PAPPA2: variants seen among roughly 807,000 people sequenced by gnomAD.
PAPPA2 encodes pappalysin-2.
Under a neutral mutation model 176.4 loss-of-function variants are expected in PAPPA2, and 86 were observed. The ratio of observed to expected loss-of-function variants is 0.49; its 90% CI spans 0.41 to 0.58. The LOEUF (loss-of-function observed/expected upper bound fraction) is 0.58, where lower values mean the gene tolerates loss of function less well. PAPPA2 is among the 20% of genes least tolerant of loss of function. The probability of loss-of-function intolerance (pLI) is 0.00; values close to 1 mark genes in which losing one functional copy is unlikely to be tolerated. For missense variants in PAPPA2, 2,073 were observed against 2,256.9 expected (o/e 0.92, Z 1.65); for synonymous variants, 809 against 852.2 (o/e 0.95, Z 0.88).
chr1:176,712,029 ATGTGTGTG>A (rs66731142), intron 12 of PAPPA2, 48 bp downstream of exon 12: 76 of 1,426,002 alleles, frequency 5.3e-5, no homozygotes, highest in African/African-American at 2.5e-4. Flanking sequence ...GTGTAAGCAT[ATGTGTGTG>A]TGTGTGTGTG....
intron 2 of PAPPA2, among the ~76,000 whole-genome samples, chr1:176,568,317 G>A (rs1652103266): frequency 6.6e-6 from 1 of 152,190 alleles, no homozygotes; most frequent in South Asian, 2.1e-4. Context: ...CCTTTGACAA[G>A]TGGTTCTGTA....
chr1:176,747,687 T>TA (rs1414080668), intron 14 of PAPPA2, among the ~76,000 whole-genome samples: 10 of 152,200 alleles, frequency 6.6e-5, no homozygotes, highest in Non-Finnish European at 1.3e-4. Flanking sequence ...TATAGCATCT[T>TA]ACAACAATGC....
rs1236389987 is a variant in PAPPA2 at position 176,670,958 on chromosome 1, C to A, written c.1992-12C>A. 1 of 1,612,648 alleles carries A rather than the reference C, an allele frequency of 6.2e-7. No homozygotes were observed. Among genetic ancestry groups the A allele is most frequent in the Middle Eastern group, 1.7e-4 (1 of 6,034 alleles). Reference sequence around the variant, plus strand: ...TTTGCTGTGACATTTTTTCATCTTGCATGCTCTCTAGGGCATACATGAGTG... The same window carrying A: ...TTTGCTGTGACATTTTTTCATCTTGAATGCTCTCTAGGGCATACATGAGTG... On this transcript the variant is annotated splice_polypyrimidine_tract_variant and intron_variant, in intron 3 of 22. Coordinates refer to ENST00000367662, the MANE Select transcript of PAPPA2 (RefSeq NM_020318.3).
At chr1:176,834,912 A>C (rs1308617282) in intron 21 of PAPPA2, among the ~76,000 whole-genome samples, 1 of 152,176 alleles carries the variant, frequency 6.6e-6, no homozygotes, top group Non-Finnish European at 1.5e-5. Flanking sequence ...CGGAGGTTGC[A>C]GTGAGCTGAG....
intron 14 of PAPPA2, among the ~76,000 whole-genome samples, chr1:176,760,205 G>T (rs1378787186): frequency 5.3e-5 from 8 of 152,126 alleles, no homozygotes; most frequent in South Asian, 2.1e-4. Flanking sequence ...AGTAACACAT[G>T]ATTTAATTGT....
At chr1:176,789,448 T>C (rs1665081448) in intron 17 of PAPPA2, among the ~76,000 whole-genome samples, 1 of 152,112 alleles carries the variant, frequency 6.6e-6, no homozygotes, top group Admixed American at 6.5e-5. Flanking sequence ...ATATACCTAA[T>C]GCTAAATGAC....
At chr1:176,503,735 T>C (rs1648094037) in intron 1 of PAPPA2, among the ~76,000 whole-genome samples, 1 of 152,172 alleles carries the variant, frequency 6.6e-6, no homozygotes, top group Admixed American at 6.6e-5. Context: ...TTGTAAGGAT[T>C]AGGCAGAGGA....
chr1:176,732,720 T>C (rs1174047160), intron 12 of PAPPA2, among the ~76,000 whole-genome samples: 1 of 152,192 alleles, frequency 6.6e-6, no homozygotes, highest in Non-Finnish European at 1.5e-5. Context: ...GTGATCTGTA[T>C]GCATATTAAG....
intron 6 of PAPPA2, 147 bp from the exon 7 acceptor site, chr1:176,695,591 T>G: frequency 1.1e-6 from 1 of 874,608 alleles, no homozygotes; most frequent in Non-Finnish European, 1.7e-6. Context: ...AAAAAACGAT[T>G]GAGATACAGT....
chr1:176,547,783 G>A (rs1204298427), intron 1 of PAPPA2, among the ~76,000 whole-genome samples: 1 of 152,128 alleles, frequency 6.6e-6, no homozygotes, highest in Non-Finnish European at 1.5e-5. Context: ...AATGCCTGGA[G>A]ACATTGATAA....
At chr1:176,657,234 AG>A (rs1162600404) in intron 3 of PAPPA2, among the ~76,000 whole-genome samples, 20 of 151,986 alleles carry the variant, frequency 1.3e-4, no homozygotes, top group African/African-American at 4.8e-4. Flanking sequence ...GATGAAAAGA[AG>A]TTATCCTGGA....
chr1:176,587,906 A>T (rs1264141626), intron 2 of PAPPA2, among the ~76,000 whole-genome samples: 1 of 152,230 alleles, frequency 6.6e-6, no homozygotes, highest in Admixed American at 6.5e-5. Flanking sequence ...ATAAACTTTA[A>T]AAAAAGAAAT....
chr1:176,550,064 C>A lies in PAPPA2; in HGVS notation c.-916-5343C>A, dbSNP rs1337495931. Among the ~76,000 whole-genome samples, 5 of 152,224 alleles carry A rather than the reference C, an allele frequency of 3.3e-5. No individual in the cohort carries two copies. The South Asian group carries it at 1.0e-3, about 32-fold the overall frequency. On this transcript the variant is annotated intron_variant, in intron 1 of 22. Coordinates refer to ENST00000367662, the MANE Select transcript of PAPPA2 (RefSeq NM_020318.3). ...CCATTCTCTGTTCTCAAGGCTTTGC[C>A]TTTTTCAGAATGTCATAGAAATGGA...
chr1:176,815,463 T>C (rs1666336155), intron 21 of PAPPA2, among the ~76,000 whole-genome samples: 1 of 151,668 alleles, frequency 6.6e-6, no homozygotes, highest in South Asian at 2.1e-4. Flanking sequence ...TTCATTTTTG[T>C]TGTTGTTTTT....
At chr1:176,725,588 A>G (rs192088222) in intron 12 of PAPPA2, among the ~76,000 whole-genome samples, 12 of 152,316 alleles carry the variant, frequency 7.9e-5, no homozygotes, top group African/African-American at 2.9e-4. Context: ...AAAGTGAAAA[A>G]TAGACTTGAA....
chr1:176,464,923 T>C (rs1341510449), intron 1 of PAPPA2, among the ~76,000 whole-genome samples: 2 of 152,232 alleles, frequency 1.3e-5, no homozygotes, highest in African/African-American at 4.8e-5. Flanking sequence ...GGTGGCTGGA[T>C]AGTGGTTATT....
intron 1 of PAPPA2, among the ~76,000 whole-genome samples, chr1:176,554,510 A>G (rs542899679): frequency 1.7e-4 from 26 of 152,322 alleles, no homozygotes; most frequent in South Asian, 6.2e-4. Flanking sequence ...GAAAGCCTTT[A>G]TCTAGGCATC....
intron 21 of PAPPA2, among the ~76,000 whole-genome samples, chr1:176,837,035 C>T (rs943963825): frequency 2.6e-5 from 4 of 152,084 alleles, no homozygotes; most frequent in South Asian, 2.1e-4. Context: ...TGGGAAACAT[C>T]GCCAGATTAT....
intron 1 of PAPPA2, among the ~76,000 whole-genome samples, chr1:176,475,711 T>C (rs1652085014): frequency 6.6e-6 from 1 of 152,244 alleles, no homozygotes; most frequent in African/African-American, 2.4e-5. Flanking sequence ...CATTTTATAT[T>C]CCTTTAAATA....
Sources: allele counts gnomAD v4.1 joint callset (sites outside exome capture counted in the v4.1 genomes callset), GRCh38; gene constraint gnomAD v4.1.1; transcripts MANE v1.5; gene names NCBI Gene and HGNC (gene_info 2026-07-23, HGNC 2026-07-21).